The following CNTN2 variants were observed in gnomAD, a reference collection of about 807,000 sequenced individuals.
The protein encoded by CNTN2 is contactin 2, also known as contactin-2.
A neutral mutation model predicts 117.5 loss-of-function variants in CNTN2; 53 were observed. The observed-to-expected ratio is 0.45, with a 90% CI of 0.36 to 0.57. The LOEUF is 0.57. CNTN2 is among the 20% of genes least tolerant of loss of function. CNTN2 has a pLI of 0.00. For synonymous variants in CNTN2, 530 were observed against 561.7 expected (o/e 0.94, Z 0.80); for missense variants, 1,106 against 1,404.3 (o/e 0.79, Z 3.39).
In CNTN2 at chr1:205,059,360, T is replaced by C; in HGVS notation, c.697+67T>C. The C allele has an allele frequency of 6.8e-7, 1 of 1,475,366 alleles. No individual in the cohort carries two copies. The highest frequency in any genetic ancestry group is 2.4e-5 in the East Asian group (1 of 42,062). The allele number at this position is 1,475,366 out of a possible 1,614,324, so 91.4% of individuals were successfully genotyped here. Reference sequence around the variant, plus strand: ...GGGTCAGCGGGCATTAGGAAAAGGGTTTTTCCTTTGGAGATTGGAAGATCA... The same window carrying C: ...GGGTCAGCGGGCATTAGGAAAAGGGCTTTTCCTTTGGAGATTGGAAGATCA... On this transcript the variant is annotated intron_variant, in intron 6 of 22. Transcript: ENST00000331830. The surrounding 1 kb of genome is among the most constrained non-coding windows in gnomAD (Gnocchi z 5.6).
At position 205,059,394 on chromosome 1, in the gene CNTN2, G is replaced by T; in HGVS notation, c.697+101G>T. Reference sequence around the variant, plus strand: ...TGGAGATTGGAAGATCAGCTTGCAGGGCACTGATTCCAGGCCCTGGACCCC... The same window carrying T: ...TGGAGATTGGAAGATCAGCTTGCAGTGCACTGATTCCAGGCCCTGGACCCC... On this transcript the variant is annotated intron_variant, in intron 6 of 22. Coordinates refer to ENST00000331830, the MANE Select transcript of CNTN2 (RefSeq NM_005076.5). The surrounding 1 kb of genome is among the most constrained non-coding windows in gnomAD (Gnocchi z 5.6). The T allele has an allele frequency of 7.7e-7, 1 of 1,301,708 alleles. No homozygotes were observed. The highest frequency in any genetic ancestry group is 1.1e-6 in the Non-Finnish European group (1 of 928,156). The allele number at this position is 1,301,708 out of a possible 1,614,324, so 80.6% of individuals were successfully genotyped here.
chr1:205,049,570 T>C (rs11240342), intron 1 of CNTN2, among the ~76,000 whole-genome samples: 33,344 of 151,974 alleles, frequency 0.22, 4,579 homozygotes, highest in East Asian at 0.64. Context: ...GAGGCTATCC[T>C]GGAGTCTCCA....
Position 205,069,829 on chromosome 1 carries a change from C to T in CNTN2, c.2199C>T (p.Pro733=). 1.2e-6 allele frequency: 2 copies of T among 1,612,916 alleles called. No homozygotes were observed. The highest frequency in any genetic ancestry group is 1.1e-5 in the South Asian group (1 of 91,056). Residue 733 remains proline, a splice_region_variant and synonymous_variant, in exon 18 of 23, where the codon CCC becomes CCT. Coordinates refer to ENST00000331830, the MANE Select transcript of CNTN2 (RefSeq NM_005076.5). ...APGELIVNWT[P]MSREYQNGDG... ...CATGCCATGCTCTTGCCCCTCAGCC[C>T]ATGTCACGGGAGTACCAGAACGGAG...
rs202153875 is a variant in CNTN2, at chr1:205,066,496, C to G, written c.1872C>G (p.Ile624Met). Residue 624 changes from isoleucine (I) to methionine (M), a missense_variant, in exon 15 of 23, where the codon ATC (isoleucine) becomes ATG (methionine). Coordinates refer to ENST00000331830, the MANE Select transcript of CNTN2 (RefSeq NM_005076.5). The part of the protein sequence containing the change: ...VVVRDIGDTT[I>M]QLSWSRGFDN... ...TGAGGGACATTGGCGACACCACCAT[C>G]CAGCTCAGCTGGAGCCGTGGCTTCG... 4.5e-5 allele frequency: 73 copies of G among 1,613,956 alleles called. No individual in the cohort carries two copies. The South Asian group carries it at 7.2e-4, about 16-fold the overall frequency.
In CNTN2 at chr1:205,065,650, A is replaced by G. The variant is rs989929188; in HGVS notation, c.1696-139A>G. 5 of 1,051,868 alleles carry G rather than the reference A, an allele frequency of 4.8e-6. No homozygotes were observed. In the East Asian group the frequency reaches 1.0e-4, roughly 21 times the overall value. 65.2% of individuals were successfully genotyped at this position (1,051,868 alleles called of 1,614,324 possible). A position where few individuals can be genotyped will look rare whatever the true frequency, so the allele number is the denominator to read the frequency against. On this transcript the variant is annotated intron_variant, in intron 13 of 22. Coordinates refer to ENST00000331830, the MANE Select transcript of CNTN2 (RefSeq NM_005076.5). The surrounding 1 kb of genome is among the most constrained non-coding windows in gnomAD (Gnocchi z 4.1). ...AGTCGTGATTCCTCCCATTGAGCAG[A>G]CAGGAAAACTGAGATCCAGTGGGGT...
intron 16 of CNTN2, 33 bp from the exon 17 acceptor site, chr1:205,069,458 C>G: frequency 6.2e-7 from 1 of 1,606,158 alleles, no homozygotes; most frequent in Non-Finnish European, 8.5e-7. Flanking sequence ...TGCTCATTAA[C>G]AAGCCATATC....
Position 205,073,450 on chromosome 1 carries a change from G to C in CNTN2, c.3014-206G>C, listed in dbSNP as rs1281710057. On this transcript the variant is annotated intron_variant, in intron 22 of 22. Coordinates refer to ENST00000331830, the MANE Select transcript of CNTN2 (RefSeq NM_005076.5). This position sits in a 1 kb window ranked among gnomAD's most constrained non-coding sequence, Gnocchi z 6.3. ...TCCCCGAGGGCCAGGGAAGGGCGCA[G>C]GGTGCAGGGGGAGGCTGAGGACCAA... is the stretch of plus-strand genomic sequence containing the variant. 6.7e-6 allele frequency: 5 copies of C among 741,236 alleles called. No individual in the cohort carries two copies. The highest frequency in any genetic ancestry group is 1.1e-5 in the Non-Finnish European group (5 of 461,570). The allele number at this position is 741,236 out of a possible 1,614,324, so 45.9% of individuals were successfully genotyped here.
intron 1 of CNTN2, 71 bp from the exon 2 acceptor site, chr1:205,053,029 G>A (rs1445713735): frequency 6.2e-6 from 3 of 481,604 alleles, no homozygotes; most frequent in Non-Finnish European, 1.1e-5. Flanking sequence ...AAGCTTTACG[G>A]ACCCAGATGT....
In CNTN2 at chr1:205,059,193, C is replaced by CT; in HGVS notation, c.598dup (p.Ser200PhefsTer33). 6.2e-7 allele frequency: 1 copy of CT among 1,614,220 alleles called. No homozygotes were observed. The highest frequency in any genetic ancestry group is 1.1e-5 in the South Asian group (1 of 91,088). ...ACCTGTACATTGCCCGAACCAATGC[C>CT]TCAGACCTGGGCAACTACTCCTGTT... On this transcript the variant is annotated frameshift_variant, in exon 6 of 23. Coordinates refer to ENST00000331830, the MANE Select transcript of CNTN2 (RefSeq NM_005076.5). LOFTEE classifies it high-confidence loss of function. The surrounding 1 kb of genome is among the most constrained non-coding windows in gnomAD (Gnocchi z 5.6).
chr1:205,066,327 A>G (rs16937), intron 14 of CNTN2, 114 bp from the exon 15 acceptor site: 859,544 of 1,283,382 alleles, frequency 0.67, 290,413 homozygotes, highest in Middle Eastern at 0.69. Context: ...TGTTCACTGC[A>G]TCCTCTGCTG....
In CNTN2 at chr1:205,072,145, T is replaced by C; in HGVS notation, c.2731+12T>C. 6.3e-7 allele frequency: 1 copy of C among 1,599,390 alleles called. No homozygotes were observed. Among genetic ancestry groups the C allele is most frequent in the Non-Finnish European group, 8.5e-7 (1 of 1,174,868 alleles). ...GACCATGAAGCCCCGTGAGTCTGTC[T>C]GCCTGGGGTGGGGGTAGGGCAATAT... On this transcript the variant is annotated intron_variant, in intron 20 of 22. Transcript: ENST00000331830.
intron 1 of CNTN2, among the ~76,000 whole-genome samples, chr1:205,052,054 C>A (rs915732160): frequency 1.3e-5 from 2 of 152,210 alleles, no homozygotes; most frequent in African/African-American, 4.8e-5. Context: ...GGGCCCCCAG[C>A]CAGGCTCTCT....
At chr1:205,050,744 G>A (rs1366725656) in intron 1 of CNTN2, among the ~76,000 whole-genome samples, 2 of 152,198 alleles carry the variant, frequency 1.3e-5, no homozygotes. Context: ...TCAGCCTCCC[G>A]AGTAGCTGGG....
intron 9 of CNTN2, chr1:205,062,223 TG>T: frequency 2.5e-6 from 2 of 805,492 alleles, no homozygotes; most frequent in Non-Finnish European, 3.8e-6. Context: ...AGAAGTGATG[TG>T]GTCCTGACTG....
chr1:205,074,692 G>T lies in CNTN2; in HGVS notation c.*927G>T, dbSNP rs1654773977. 2.5e-6 allele frequency: 1 copy of T among 399,160 alleles called. No homozygotes were observed. Among genetic ancestry groups the T allele is most frequent in the African/African-American group, 2.1e-5 (1 of 48,716 alleles). 24.7% of individuals were successfully genotyped at this position (399,160 alleles called of 1,614,324 possible). A position where few individuals can be genotyped will look rare whatever the true frequency, so the allele number is the denominator to read the frequency against. On this transcript the variant is annotated 3_prime_UTR_variant, in exon 23 of 23. Coordinates refer to ENST00000331830, the MANE Select transcript of CNTN2 (RefSeq NM_005076.5). Reference sequence around the variant, plus strand: ...ATCATGCGCCCACCTCTCCAGTGCTGCCTGCAGTCAGCTCGGCCTCCCCGA... The same window carrying T: ...ATCATGCGCCCACCTCTCCAGTGCTTCCTGCAGTCAGCTCGGCCTCCCCGA...
In CNTN2 at chr1:205,075,741, A is replaced by C. The variant is rs559982978; in HGVS notation, c.*1976A>C. 6.6e-6 allele frequency: 1 copy of C among 150,900 alleles called. No individual in the cohort carries two copies. Among genetic ancestry groups the C allele is most frequent in the East Asian group, 2.0e-4 (1 of 5,104 alleles). The allele number at this position is 150,900 out of a possible 1,614,324, so 9.3% of individuals were successfully genotyped here. On this transcript the variant is annotated 3_prime_UTR_variant, in exon 23 of 23. Coordinates refer to ENST00000331830, the MANE Select transcript of CNTN2 (RefSeq NM_005076.5). ...AGCTTTCCTGGAGCTGGCTAATGAA[A>C]GCCTCCTCACCTCTTCCCAACCCTT...
chr1:205,072,440 A>C, intron 20 of CNTN2, 43 bp from the exon 21 acceptor site: 1 of 1,550,920 alleles, frequency 6.4e-7, no homozygotes, highest in Non-Finnish European at 8.9e-7. Flanking sequence ...GCGGGGTGCC[A>C]GGGAAACGTT....
intron 1 of CNTN2, among the ~76,000 whole-genome samples, chr1:205,051,770 C>CA (rs948607575): frequency 3.9e-5 from 6 of 152,048 alleles, no homozygotes; most frequent in Non-Finnish European, 7.4e-5. Context: ...GTGGAGTGGT[C>CA]AAATGTGGAG....
intron 14 of CNTN2, 85 bp from the exon 15 acceptor site, chr1:205,066,356 C>G: frequency 6.6e-7 from 1 of 1,514,114 alleles, no homozygotes; most frequent in South Asian, 1.2e-5. Context: ...TGGTACTGTA[C>G]CAGCTCAAGC....
Sources: allele counts gnomAD v4.1 joint callset (sites outside exome capture counted in the v4.1 genomes callset), GRCh38; gene constraint gnomAD v4.1.1; non-coding constraint Gnocchi (gnomAD v3.1); transcripts MANE v1.5; gene names NCBI Gene and HGNC (gene_info 2026-07-23, HGNC 2026-07-21).